The following AVL9 variants were observed in gnomAD, a reference collection of about 807,000 sequenced individuals.
AVL9 encodes AVL9 cell migration associated.
Under a neutral mutation model 79.2 loss-of-function variants are expected in AVL9, and 49 were observed. The observed-to-expected ratio is 0.62, with a 90% CI of 0.49 to 0.79. The LOEUF is 0.79. Among genes scored for constraint, AVL9 ranks in the 30% least tolerant of loss-of-function variants. The pLI is 0.00. For synonymous variants in AVL9, 299 were observed against 280.6 expected (o/e 1.07, Z -0.65); for missense variants, 682 against 776.8 (o/e 0.88, Z 1.45).
At chr7:32,514,977 G>A (rs1432191316) in intron 1 of AVL9, among the ~76,000 whole-genome samples, 1 of 152,196 alleles carries the variant, frequency 6.6e-6, no homozygotes, top group Admixed American at 6.5e-5. Context: ...TGGGACAAGA[G>A]TTACAGATTA....
chr7:32,526,134 G>C (rs537680062), intron 1 of AVL9, among the ~76,000 whole-genome samples: 4 of 152,224 alleles, frequency 2.6e-5, no homozygotes, highest in South Asian at 2.1e-4. Context: ...CTGTCCTCCT[G>C]GTGCGCAGGC....
chr7:32,510,561 C>A (rs1787622943), intron 1 of AVL9, among the ~76,000 whole-genome samples: 1 of 143,272 alleles, frequency 7.0e-6, no homozygotes, highest in Non-Finnish European at 1.5e-5. Flanking sequence ...AGCCATCTCT[C>A]CAGGGTAAGA....
chr7:32,569,994 T>C (rs1372234392), intron 10 of AVL9, 26 bp from the exon 11 acceptor site: 31 of 1,610,634 alleles, frequency 1.9e-5, no homozygotes, highest in Non-Finnish European at 2.5e-5. Flanking sequence ...TTTTCTGATA[T>C]TTTCTATTAC....
In AVL9 at chr7:32,584,016, G is replaced by C; in HGVS notation, c.*109G>C. The C allele has an allele frequency of 1.3e-6, 1 of 785,768 alleles. No individual in the cohort carries two copies. Among genetic ancestry groups the C allele is most frequent in the Non-Finnish European group, 2.3e-6 (1 of 443,774 alleles). 48.7% of individuals were successfully genotyped at this position (785,768 alleles called of 1,614,324 possible). A position where few individuals can be genotyped will look rare whatever the true frequency, so the allele number is the denominator to read the frequency against. The stretch of plus-strand genomic sequence containing the variant: ...GATCCACAGCAGGGGACCATATGTC[G>C]AACTGTTTACATGGATGTTGCTCTA... On this transcript the variant is annotated 3_prime_UTR_variant, in exon 16 of 16. Transcript: ENST00000318709.
chr7:32,558,028 G>A (rs1790156215), intron 8 of AVL9, among the ~76,000 whole-genome samples: 1 of 148,560 alleles, frequency 6.7e-6, no homozygotes, highest in Admixed American at 6.7e-5. Flanking sequence ...GCTAATTTTT[G>A]TACTTTTAGT....
chr7:32,566,307 G>C (rs1790566473), intron 10 of AVL9, among the ~76,000 whole-genome samples: 1 of 148,600 alleles, frequency 6.7e-6, no homozygotes, highest in African/African-American at 2.5e-5. Flanking sequence ...CTCCCAAGTA[G>C]CTGGGACTAC....
intron 1 of AVL9, chr7:32,532,149 C>T (rs1328201755): frequency 2.0e-5 from 3 of 152,198 alleles, no homozygotes; most frequent in Non-Finnish European, 4.4e-5. Context: ...AGGTAAGCTT[C>T]CCCTGAAGTC....
At chr7:32,524,557 CAGAG>C (rs36059578) in intron 1 of AVL9, among the ~76,000 whole-genome samples, 6 of 35,102 alleles carry the variant, frequency 1.7e-4, no homozygotes, top group Admixed American at 6.1e-4. Context: ...CACACACACA[CAGAG>C]AGAAAAGAAA....
intron 1 of AVL9, among the ~76,000 whole-genome samples, chr7:32,525,832 T>C (rs549004458): frequency 7.9e-5 from 12 of 152,348 alleles, no homozygotes; most frequent in African/African-American, 2.6e-4. Flanking sequence ...CTGGGCCTGA[T>C]TTGTTTTTTA....
intron 1 of AVL9, among the ~76,000 whole-genome samples, chr7:32,505,238 C>T (rs1787354684): frequency 6.6e-6 from 1 of 151,896 alleles, no homozygotes; most frequent in African/African-American, 2.4e-5. Flanking sequence ...AGAAAATAAA[C>T]GCTTCGGCTG....
chr7:32,550,314 C>T (rs1269256738), intron 4 of AVL9, among the ~76,000 whole-genome samples: 1 of 89,236 alleles, frequency 1.1e-5, no homozygotes, highest in Non-Finnish European at 2.4e-5. Flanking sequence ...AAAGGCATAT[C>T]TCAGAAAAAA....
chr7:32,532,826 T>G (rs7800388), intron 1 of AVL9: 54,872 of 152,008 alleles, frequency 0.36, 10,472 homozygotes, highest in African/African-American at 0.47. Context: ...GATTGCTTGA[T>G]CCTAGGTGTT....
chr7:32,569,660 C>G (rs971880779), intron 10 of AVL9, among the ~76,000 whole-genome samples: 5 of 152,324 alleles, frequency 3.3e-5, no homozygotes, highest in East Asian at 1.9e-4. Flanking sequence ...TACTAAACAA[C>G]GTACTTACTA....
chr7:32,566,831 C>G (rs1292089712), intron 10 of AVL9, among the ~76,000 whole-genome samples: 5 of 152,126 alleles, frequency 3.3e-5, no homozygotes, highest in African/African-American at 7.2e-5. Flanking sequence ...TGCAGTGAAC[C>G]GAGATCGCGC....
At chr7:32,562,189 G>A (rs1009320478) in intron 10 of AVL9, among the ~76,000 whole-genome samples, 3 of 152,114 alleles carry the variant, frequency 2.0e-5, no homozygotes, top group Non-Finnish European at 4.4e-5. Flanking sequence ...TGTTTGCAGG[G>A]CTGCCATAAA....
At position 32,537,383 on chromosome 7, in the gene AVL9, T is replaced by C. The variant is rs140988888; in HGVS notation, c.94-5758T>C. Reference sequence around the variant, plus strand: ...GAAAAGTTTGCAGTAGTATAATGTTTTAAAAAACTAGAAAAACTCAACAAT... The same window carrying C: ...GAAAAGTTTGCAGTAGTATAATGTTCTAAAAAACTAGAAAAACTCAACAAT... On this transcript the variant is annotated intron_variant, in intron 1 of 15. Transcript: ENST00000318709. 557 of 152,192 alleles carry C rather than the reference T, an allele frequency of 3.7e-3. 2 individuals are homozygous for C. Among genetic ancestry groups the C allele is most frequent in the African/African-American group, 0.013 (531 of 41,510 alleles). 9.4% of individuals were successfully genotyped at this position (152,192 alleles called of 1,614,324 possible).
intron 11 of AVL9, among the ~76,000 whole-genome samples, chr7:32,571,199 T>C (rs1790826869): frequency 7.6e-6 from 1 of 132,240 alleles, no homozygotes; most frequent in South Asian, 2.5e-4. Context: ...ACCACTGCAC[T>C]CCAGCCTGGG....
At chr7:32,511,491 A>G (rs1210009114) in intron 1 of AVL9, among the ~76,000 whole-genome samples, 2 of 152,068 alleles carry the variant, frequency 1.3e-5, no homozygotes, top group Non-Finnish European at 2.9e-5. Flanking sequence ...CTAGGATAAG[A>G]TGCAGGGGTG....
intron 1 of AVL9, among the ~76,000 whole-genome samples, chr7:32,503,765 C>G (rs1239230277): frequency 6.6e-6 from 1 of 151,938 alleles, no homozygotes; most frequent in Non-Finnish European, 1.5e-5. Context: ...TCACTGCATC[C>G]TCCACCTCCG....
Sources: allele counts gnomAD v4.1 joint callset (sites outside exome capture counted in the v4.1 genomes callset), GRCh38; gene constraint gnomAD v4.1.1; transcripts MANE v1.5; gene names NCBI Gene and HGNC (gene_info 2026-07-23, HGNC 2026-07-21).